The following TBL1XR1 variants were observed in gnomAD, a reference collection of about 807,000 sequenced individuals.
TBL1XR1 encodes TBL1X/Y related 1, also known as F-box-like/WD repeat-containing protein TBL1XR1.
TBL1XR1 carries 5 observed loss-of-function variants against 66.9 expected under a neutral mutation model. The ratio of observed to expected loss-of-function variants is 0.07; its 90% CI spans 0.04 to 0.16. TBL1XR1 has a LOEUF of 0.16. Ranked by LOEUF, TBL1XR1 falls within the 10% of genes least tolerant of loss-of-function variation. The probability of loss-of-function intolerance (pLI) is 1.00; values close to 1 mark genes in which losing one functional copy is unlikely to be tolerated. For synonymous variants in TBL1XR1, 210 were observed against 206.0 expected, an observed-to-expected ratio of 1.02 and a Z score of -0.17; for missense variants, 238 against 623.2, an observed-to-expected ratio of 0.38 and a Z score of 6.58.
chr3:177,178,884 G>A (rs758133834), intron 1 of TBL1XR1, among the ~76,000 whole-genome samples: 6 of 152,068 alleles, frequency 3.9e-5, no homozygotes, highest in African/African-American at 7.2e-5. Context: ...TTGGGAGGCC[G>A]AGGCTGGTGG....
At chr3:177,149,180 C>T (rs914412470) in intron 1 of TBL1XR1, among the ~76,000 whole-genome samples, 1 of 152,120 alleles carries the variant, frequency 6.6e-6, no homozygotes, top group African/African-American at 2.4e-5. Context: ...ATGCGGAGTA[C>T]CTGTCAATGG....
At chr3:177,178,091 G>A (rs759836490) in intron 1 of TBL1XR1, among the ~76,000 whole-genome samples, 2 of 152,164 alleles carry the variant, frequency 1.3e-5, no homozygotes, top group African/African-American at 2.4e-5. Context: ...TAATTAAGAC[G>A]CTGAGACAGG....
At chr3:177,182,763 G>A (rs12152350) in intron 1 of TBL1XR1, among the ~76,000 whole-genome samples, 68,318 of 152,152 alleles carry the variant, frequency 0.45, 17,266 homozygotes, top group Non-Finnish European at 0.56. Context: ...GTCACGGAAA[G>A]AAGCCTAATG....
At chr3:177,103,873 T>A (rs1724535082) in intron 1 of TBL1XR1, among the ~76,000 whole-genome samples, 1 of 152,232 alleles carries the variant, frequency 6.6e-6, no homozygotes, top group South Asian at 2.1e-4. Flanking sequence ...CCCAGCACTT[T>A]GGAAGGCCAA....
intron 1 of TBL1XR1, chr3:177,196,591 G>C (rs1356954362): frequency 6.7e-6 from 1 of 150,102 alleles, no homozygotes; most frequent in Non-Finnish European, 1.5e-5. Context: ...CGCCCGGGGA[G>C]GGGAGATTTC....
rs569230132 is a variant in TBL1XR1 at position 177,099,808 on chromosome 3, C to G, written c.-121-1267G>C. On this transcript the variant is annotated intron_variant, in intron 1 of 15. Transcript: ENST00000457928. ...TTATTTCAGTATAAAGTTTTTGTCACTTTTTGAGCTAAAGTTATATAGGGC... is the reference window on the plus strand; with the variant it reads ...TTATTTCAGTATAAAGTTTTTGTCAGTTTTTGAGCTAAAGTTATATAGGGC... Among the ~76,000 whole-genome samples, 6 of 152,324 alleles carry G rather than the reference C, an allele frequency of 3.9e-5. No individual in the cohort carries two copies. The South Asian group carries it at 6.2e-4, about 16-fold the overall frequency.
chr3:177,106,684 A>G (rs1257817600), intron 1 of TBL1XR1, among the ~76,000 whole-genome samples: 1 of 152,250 alleles, frequency 6.6e-6, no homozygotes, highest in East Asian at 1.9e-4. Context: ...GACATAATGC[A>G]TATTAAATAA....
chr3:177,041,214 G>C (rs1398115051), intron 10 of TBL1XR1: 3 of 152,362 alleles, frequency 2.0e-5, no homozygotes, highest in African/African-American at 7.2e-5. Flanking sequence ...GTGCTTCACT[G>C]CTAAGGGCTG....
chr3:177,157,495 T>C (rs561685433), intron 1 of TBL1XR1, among the ~76,000 whole-genome samples: 1 of 152,276 alleles, frequency 6.6e-6, no homozygotes, highest in East Asian at 1.9e-4. Context: ...AATAGCACAT[T>C]TGTACTCAAT....
At position 177,034,338 on chromosome 3, in the gene TBL1XR1, G is replaced by T. The variant is rs1714454318; in HGVS notation, c.1123-13C>A. ...TCATACTCCATATCTAAACAAAAAAGAAAAATGTATACAATTATTTTTCCA... is the reference window on the plus strand; with the variant it reads ...TCATACTCCATATCTAAACAAAAAATAAAAATGTATACAATTATTTTTCCA... On this transcript the variant is annotated splice_polypyrimidine_tract_variant and intron_variant, in intron 12 of 15. Transcript: ENST00000457928. The T allele has an allele frequency of 1.3e-6, 2 of 1,501,786 alleles. No individual in the cohort carries two copies. The highest frequency in any genetic ancestry group is 2.2e-4 in the Middle Eastern group (1 of 4,548). 93.0% of individuals were successfully genotyped at this position (1,501,786 alleles called of 1,614,324 possible).
chr3:177,146,476 T>TGG (rs1286402668), intron 1 of TBL1XR1, among the ~76,000 whole-genome samples: 3 of 148,758 alleles, frequency 2.0e-5, no homozygotes, highest in African/African-American at 5.0e-5. Context: ...TTAGTAGAGA[T>TGG]GGGGGTTTCA....
At chr3:177,146,561 G>A (rs1377803235) in intron 1 of TBL1XR1, among the ~76,000 whole-genome samples, 2 of 118,986 alleles carry the variant, frequency 1.7e-5, no homozygotes, top group African/African-American at 3.2e-5. Flanking sequence ...CTGCACTCCA[G>A]CCTGGGCAGC....
At chr3:177,138,018 T>C (rs1262529368) in intron 1 of TBL1XR1, among the ~76,000 whole-genome samples, 1 of 152,150 alleles carries the variant, frequency 6.6e-6, no homozygotes, top group Non-Finnish European at 1.5e-5. Flanking sequence ...TAGATGTCAC[T>C]GGATGATGAT....
intron 1 of TBL1XR1, among the ~76,000 whole-genome samples, chr3:177,109,789 G>C (rs1277389689): frequency 1.3e-5 from 2 of 152,078 alleles, no homozygotes; most frequent in Non-Finnish European, 2.9e-5. Flanking sequence ...AGAGGTGAAA[G>C]AGGAACCCCT....
rs1722992587 is a variant in TBL1XR1, at chr3:177,092,724, A to AG, written c.-46+5741_-46+5742insC. On this transcript the variant is annotated intron_variant, in intron 2 of 15. Transcript: ENST00000457928. The stretch of plus-strand genomic sequence containing the variant: ...GAGTACAGAAGTTTTTCAAGGAAAA[A>AG]AAAAAACCTAGAATTACCATATGAT... Among the ~76,000 whole-genome samples the AG allele has an allele frequency of 2.6e-5, 4 of 152,064 alleles. No individual in the cohort carries two copies. The South Asian group carries it at 8.3e-4, about 32-fold the overall frequency.
intron 1 of TBL1XR1, among the ~76,000 whole-genome samples, chr3:177,100,916 C>T (rs953428487): frequency 4.7e-5 from 7 of 149,426 alleles, no homozygotes; most frequent in Non-Finnish European, 8.9e-5. Flanking sequence ...AGTGCAATGG[C>T]GCGACCTCAG....
intron 1 of TBL1XR1, among the ~76,000 whole-genome samples, chr3:177,196,910 G>A (rs577415228): frequency 6.6e-6 from 1 of 151,838 alleles, no homozygotes; most frequent in Non-Finnish European, 1.5e-5. Flanking sequence ...AAACCTGAGA[G>A]AGGAAAACGG....
intron 2 of TBL1XR1, among the ~76,000 whole-genome samples, chr3:177,080,725 C>T (rs1299864554): frequency 6.6e-6 from 1 of 152,100 alleles, no homozygotes; most frequent in African/African-American, 2.4e-5. Context: ...CTATCAGTAA[C>T]AATAGGTCCT....
At chr3:177,177,462 A>C (rs1734297215) in intron 1 of TBL1XR1, among the ~76,000 whole-genome samples, 1 of 152,170 alleles carries the variant, frequency 6.6e-6, no homozygotes, top group Non-Finnish European at 1.5e-5. Context: ...AAAAAATAAA[A>C]ATAAAAATAA....
Sources: gnomAD v4.1 joint callset for allele counts (sites outside exome capture counted in the v4.1 genomes callset) on GRCh38, gnomAD v4.1.1 for gene constraint, MANE v1.5 for transcripts, NCBI Gene and HGNC (gene_info 2026-07-23, HGNC 2026-07-21) for gene names.